FAM114A2: variants seen among roughly 807,000 people sequenced by gnomAD.
FAM114A2 encodes family with sequence similarity 114 member A2.
In FAM114A2, 53 loss-of-function variants were observed where a neutral mutation model predicts 58.4. The ratio of observed to expected loss-of-function variants is 0.91; its 90% confidence interval spans 0.73 to 1.14. FAM114A2 has a LOEUF of 1.14. FAM114A2 is among the 50% of genes most tolerant of loss of function. The pLI is 0.00. For synonymous variants in FAM114A2, 228 were observed against 211.4 expected, an observed-to-expected ratio of 1.08 and a Z score of -0.68; for missense variants, 601 against 581.1, an observed-to-expected ratio of 1.03 and a Z score of -0.35.
chr5:154,028,044 T>C (rs776515953), intron 6 of FAM114A2, 105 bp downstream of exon 6: 2 of 1,050,996 alleles, frequency 1.9e-6, no homozygotes, highest in Non-Finnish European at 2.8e-6. Context: ...ATAAACATTA[T>C]TGAAAATGCT....
Position 154,002,253 on chromosome 5 carries a change from GGAAA to G in FAM114A2, c.1250_1253del (p.Leu417ProfsTer3). On this transcript the variant is annotated frameshift_variant, in exon 11 of 14. Transcript: ENST00000351797. LOFTEE classifies it high-confidence loss of function. ...AGAGGAATTCTCATTACACTTACTG[GGAAA>G]GAGTTTGGCTCCTTTCTATGGCTGT... 6.2e-7 allele frequency: 1 copy of G among 1,613,346 alleles called. No individual in the cohort carries two copies. The highest frequency in any genetic ancestry group is 8.5e-7 in the Non-Finnish European group (1 of 1,179,324).
rs759214349 is a variant in FAM114A2 at position 154,011,226 on chromosome 5, GA to G, written c.993+14del. ...CAAGTAAAATAATGAAAATCACCAA[GA>G]AGCAATAACTTACCCTGGCAAGTTT... On this transcript the variant is annotated intron_variant, in intron 9 of 13. Transcript: ENST00000351797. 2.5e-6 allele frequency: 4 copies of G among 1,569,476 alleles called. No homozygotes were observed. The highest frequency in any genetic ancestry group is 3.5e-6 in the Non-Finnish European group (4 of 1,142,346).
intron 5 of FAM114A2, among the ~76,000 whole-genome samples, chr5:154,028,874 A>C (rs1478605808): frequency 6.6e-6 from 1 of 152,190 alleles, no homozygotes; most frequent in East Asian, 1.9e-4. Context: ...GAAGACACAG[A>C]AAACTGGGAG....
Position 153,990,960 on chromosome 5 carries a change from A to C in FAM114A2, c.*2016T>G, listed in dbSNP as rs931534385. On this transcript the variant is annotated 3_prime_UTR_variant, in exon 14 of 14. Transcript: ENST00000351797. ...CTGTCATGAATGTTTATGTTTCTCT[A>C]TGTCTACTGGATCAAGGAATCTTAA... 2.6e-5 allele frequency: 4 copies of C among 152,126 alleles called. No homozygotes were observed. Among genetic ancestry groups the C allele is most frequent in the African/African-American group, 9.7e-5 (4 of 41,416 alleles). The allele number at this position is 152,126 out of a possible 1,614,324, so 9.4% of individuals were successfully genotyped here. A position where few individuals can be genotyped will look rare whatever the true frequency, so the allele number is the denominator to read the frequency against.
intron 1 of FAM114A2, among the ~76,000 whole-genome samples, chr5:154,035,212 CTCATTTGTA>C (rs1014684498): frequency 2.6e-5 from 4 of 152,100 alleles, no homozygotes; most frequent in Admixed American, 6.5e-5. Flanking sequence ...TTTAAACGCA[CTCATTTGTA>C]TTTAGTTCTA....
chr5:154,015,376 G>A (rs538335597), intron 8 of FAM114A2, among the ~76,000 whole-genome samples: 2 of 152,148 alleles, frequency 1.3e-5, no homozygotes, highest in South Asian at 2.1e-4. Flanking sequence ...AGTCCACTTC[G>A]TCCCCGACAC....
intron 8 of FAM114A2, among the ~76,000 whole-genome samples, chr5:154,018,480 A>G (rs1771195311): frequency 6.6e-6 from 1 of 152,188 alleles, no homozygotes; most frequent in Non-Finnish European, 1.5e-5. Context: ...TCCACCAGAC[A>G]TTAAAAAAAG....
chr5:154,009,278 C>A (rs554626358), intron 9 of FAM114A2, among the ~76,000 whole-genome samples: 10 of 152,146 alleles, frequency 6.6e-5, no homozygotes, highest in South Asian at 4.1e-4. Flanking sequence ...GGCATGCCAC[C>A]TAGGAGCCAG....
chr5:154,014,354 G>A (rs1417839978), intron 8 of FAM114A2, among the ~76,000 whole-genome samples: 2 of 152,122 alleles, frequency 1.3e-5, no homozygotes, highest in Admixed American at 6.5e-5. Flanking sequence ...GTGGAGGCTC[G>A]CATCGTAAAC....
intron 4 of FAM114A2, among the ~76,000 whole-genome samples, chr5:154,031,185 G>A (rs1772166857): frequency 6.6e-6 from 1 of 151,644 alleles, no homozygotes; most frequent in Non-Finnish European, 1.5e-5. Context: ...GGTGGCCCAT[G>A]CTTGCAATCC....
chr5:153,999,961 G>A lies in FAM114A2; in HGVS notation c.1257-2086C>T, dbSNP rs570118552. Among the ~76,000 whole-genome samples, 9 of 152,060 alleles carry A rather than the reference G, an allele frequency of 5.9e-5. No individual in the cohort carries two copies. The South Asian group carries it at 1.9e-3, about 32-fold the overall frequency. The stretch of plus-strand genomic sequence containing the variant: ...TATATGTATGTGTGTGTATATATAT[G>A]TGTGTGTATATATGTATATGTGTAT... On this transcript the variant is annotated intron_variant, in intron 11 of 13. Coordinates refer to ENST00000351797, the MANE Select transcript of FAM114A2 (RefSeq NM_018691.4).
chr5:154,020,842 A>G (rs1406479138), intron 8 of FAM114A2, among the ~76,000 whole-genome samples: 1 of 152,198 alleles, frequency 6.6e-6, no homozygotes, highest in Non-Finnish European at 1.5e-5. Flanking sequence ...AGACACGACA[A>G]AAAAAGAGAA....
chr5:153,999,588 G>T (rs747936824), intron 11 of FAM114A2, among the ~76,000 whole-genome samples: 1 of 150,482 alleles, frequency 6.6e-6, no homozygotes, highest in South Asian at 2.1e-4. Flanking sequence ...GAACGAGATT[G>T]CGCCACTGCA....
chr5:154,030,379 C>G (rs984804580), intron 4 of FAM114A2, among the ~76,000 whole-genome samples: 1 of 152,198 alleles, frequency 6.6e-6, no homozygotes, highest in African/African-American at 2.4e-5. Flanking sequence ...ACTTCCACTT[C>G]TAGCATGATG....
chr5:154,008,525 A>C (rs548976881), intron 9 of FAM114A2, among the ~76,000 whole-genome samples: 9 of 152,298 alleles, frequency 5.9e-5, no homozygotes, highest in African/African-American at 1.9e-4. Context: ...TTGTAGTCAA[A>C]ATGAATTGAA....
At chr5:154,033,392 G>C (rs1400290875) in intron 4 of FAM114A2, among the ~76,000 whole-genome samples, 1 of 152,088 alleles carries the variant, frequency 6.6e-6, no homozygotes, top group Non-Finnish European at 1.5e-5. Context: ...GAACACAAAA[G>C]GAATACACCC....
At chr5:153,996,763 A>C (rs1316266085) in intron 12 of FAM114A2, among the ~76,000 whole-genome samples, 1 of 151,934 alleles carries the variant, frequency 6.6e-6, no homozygotes, top group African/African-American at 2.4e-5. Flanking sequence ...TTGGGAGGCC[A>C]ACGCAGGTGG....
chr5:154,002,758 G>T, intron 10 of FAM114A2, 89 bp downstream of exon 10: 3 of 1,272,122 alleles, frequency 2.4e-6, no homozygotes, highest in Non-Finnish European at 3.4e-6. Context: ...ATTACGGACA[G>T]CAGTGTAAAA....
At chr5:154,035,350 C>T (rs756642618) in intron 1 of FAM114A2, among the ~76,000 whole-genome samples, 14 of 152,204 alleles carry the variant, frequency 9.2e-5, no homozygotes, top group Non-Finnish European at 1.3e-4. Flanking sequence ...TCCGACACTC[C>T]TTCCAACCCA....
Sources: gnomAD v4.1 joint callset for allele counts (sites outside exome capture counted in the v4.1 genomes callset) on GRCh38, gnomAD v4.1.1 for gene constraint, MANE v1.5 for transcripts, NCBI Gene and HGNC (gene_info 2026-07-23, HGNC 2026-07-21) for gene names.